Variants in DOCK1 observed in about 807,000 individuals in gnomAD.
The protein encoded by DOCK1 is dedicator of cytokinesis protein 1.
In DOCK1, 138 loss-of-function variants were observed where a neutral mutation model predicts 262.7. That is an observed-to-expected ratio of 0.53 (90% CI 0.46 to 0.61). The LOEUF (loss-of-function observed/expected upper bound fraction) is 0.61. Among genes scored for constraint, DOCK1 ranks in the 20% least tolerant of loss-of-function variants. The probability of loss-of-function intolerance (pLI) is 0.00; values close to 1 mark genes in which losing one functional copy is unlikely to be tolerated. For synonymous variants in DOCK1, 866 were observed against 867.4 expected, an observed-to-expected ratio of 1.00 and a Z score of 0.03; for missense variants, 1,908 against 2,370.7, an observed-to-expected ratio of 0.80 and a Z score of 4.05.
intron 1 of DOCK1, among the ~76,000 whole-genome samples, chr10:126,945,302 T>C (rs1389393327): frequency 6.6e-6 from 1 of 152,010 alleles, no homozygotes; most frequent in East Asian, 1.9e-4. Flanking sequence ...GGATTCACTT[T>C]CTTGGTGGCT....
chr10:127,192,506 T>C (rs1166355841), intron 27 of DOCK1: 1 of 152,224 alleles, frequency 6.6e-6, no homozygotes, highest in African/African-American at 2.4e-5. Flanking sequence ...TCTGATAACA[T>C]CTTTATACAC....
chr10:127,267,372 A>C (rs1014716526), intron 29 of DOCK1, among the ~76,000 whole-genome samples: 3 of 152,244 alleles, frequency 2.0e-5, no homozygotes, highest in African/African-American at 7.2e-5. Context: ...TTAATAACTA[A>C]AACAAATAAT....
chr10:126,965,309 G>T (rs1490680190), intron 1 of DOCK1, among the ~76,000 whole-genome samples: 2 of 152,200 alleles, frequency 1.3e-5, no homozygotes, highest in Non-Finnish European at 2.9e-5. Context: ...GCAGAGGAGC[G>T]TGTGGCAGGC....
chr10:127,112,030 G>A (rs2048897682), intron 25 of DOCK1, among the ~76,000 whole-genome samples: 2 of 141,820 alleles, frequency 1.4e-5, no homozygotes, highest in Admixed American at 1.4e-4. Flanking sequence ...TTTTTTTTTC[G>A]AGACATAGTC....
chr10:127,418,012 C>G (rs1385231318), intron 44 of DOCK1, among the ~76,000 whole-genome samples: 1 of 152,028 alleles, frequency 6.6e-6, no homozygotes, highest in Non-Finnish European at 1.5e-5. Flanking sequence ...TCTTCTCCCT[C>G]AGCACAACAA....
intron 29 of DOCK1, among the ~76,000 whole-genome samples, chr10:127,285,627 A>G (rs2061122589): frequency 6.6e-6 from 1 of 152,224 alleles, no homozygotes; most frequent in Non-Finnish European, 1.5e-5. Flanking sequence ...GCAGGGAGCC[A>G]TGTCCAGAGA....
At chr10:127,352,431 C>T (rs1439677957) in intron 31 of DOCK1, among the ~76,000 whole-genome samples, 2 of 152,020 alleles carry the variant, frequency 1.3e-5, no homozygotes, top group Non-Finnish European at 2.9e-5. Flanking sequence ...ACCCAAACCG[C>T]AAGTGGAAAA....
chr10:126,960,078 C>T (rs988478837), intron 1 of DOCK1, among the ~76,000 whole-genome samples: 4 of 152,118 alleles, frequency 2.6e-5, no homozygotes, highest in Non-Finnish European at 5.9e-5. Context: ...AGGCACGAGC[C>T]ACCGCATTTA....
chr10:127,211,333 A>G (rs1332408645), intron 27 of DOCK1, among the ~76,000 whole-genome samples: 1 of 152,210 alleles, frequency 6.6e-6, no homozygotes, highest in Non-Finnish European at 1.5e-5. Context: ...GCTGTCAGAC[A>G]TCATAAAAGG....
chr10:126,964,562 G>T (rs1282477149), intron 1 of DOCK1, among the ~76,000 whole-genome samples: 1 of 152,256 alleles, frequency 6.6e-6, no homozygotes, highest in African/African-American at 2.4e-5. Flanking sequence ...GAAGGCAAGA[G>T]AAAGGAAATG....
intron 29 of DOCK1, among the ~76,000 whole-genome samples, chr10:127,271,042 T>C (rs1306352205): frequency 2.6e-5 from 4 of 151,062 alleles, no homozygotes; most frequent in Non-Finnish European, 5.9e-5. Flanking sequence ...CACACACATA[T>C]ATAAATGTAT....
chr10:127,094,116 C>G (rs945587197), intron 23 of DOCK1, among the ~76,000 whole-genome samples: 8 of 152,106 alleles, frequency 5.3e-5, no homozygotes, highest in African/African-American at 1.7e-4. Context: ...ATCACTTGTC[C>G]CCAGGAGGTA....
intron 27 of DOCK1, among the ~76,000 whole-genome samples, chr10:127,194,513 C>T (rs1427531772): frequency 2.0e-5 from 3 of 152,196 alleles, no homozygotes; most frequent in African/African-American, 7.2e-5. Context: ...CCAGCACTTT[C>T]CGCCTCTGCA....
At chr10:127,197,217 C>G (rs2057235048) in intron 27 of DOCK1, among the ~76,000 whole-genome samples, 1 of 152,120 alleles carries the variant, frequency 6.6e-6, no homozygotes, top group South Asian at 2.1e-4. Flanking sequence ...GAGCAGGCGC[C>G]ACTGCCACTC....
chr10:126,917,013 C>T lies in DOCK1; in HGVS notation c.46+11450C>T, dbSNP rs560788729. On this transcript the variant is annotated intron_variant, in intron 1 of 51. Transcript: ENST00000623213. ...GCGGTGTTTCAGAATTCCAGTTTGT[C>T]ACAGTGCAGAGAGACAGGTGGGAGC... Among the ~76,000 whole-genome samples, 3 of 130,944 alleles carry T rather than the reference C, an allele frequency of 2.3e-5. No individual in the cohort carries two copies. The South Asian group carries it at 7.9e-4, about 34-fold the overall frequency. 85.9% of individuals were successfully genotyped at this position (130,944 alleles called of 152,430 possible). A position where few individuals can be genotyped will look rare whatever the true frequency, so the allele number is the denominator to read the frequency against.
intron 35 of DOCK1, among the ~76,000 whole-genome samples, chr10:127,377,373 G>T (rs2134068183): frequency 6.6e-6 from 1 of 152,164 alleles, no homozygotes; most frequent in East Asian, 1.9e-4. Flanking sequence ...GAATATAGAT[G>T]TATACATATT....
intron 49 of DOCK1, among the ~76,000 whole-genome samples, chr10:127,441,379 CT>C (rs1591073377): frequency 6.6e-6 from 1 of 152,216 alleles, no homozygotes; most frequent in Admixed American, 6.5e-5. Context: ...AGCACAGAAC[CT>C]TGGCGGTGCT....
intron 1 of DOCK1, among the ~76,000 whole-genome samples, chr10:126,941,608 T>C (rs1215416020): frequency 6.6e-6 from 1 of 152,012 alleles, no homozygotes; most frequent in Admixed American, 6.5e-5. Flanking sequence ...TACAAAAAAT[T>C]AGCCAGGCGT....
chr10:126,924,584 G>A (rs905590809), intron 1 of DOCK1, among the ~76,000 whole-genome samples: 2 of 152,320 alleles, frequency 1.3e-5, no homozygotes, highest in African/African-American at 2.4e-5. Context: ...TGACCAAAAG[G>A]TTAAAAAGCA....
Sources: allele counts gnomAD v4.1 joint callset (sites outside exome capture counted in the v4.1 genomes callset), GRCh38; gene constraint gnomAD v4.1.1; transcripts MANE v1.5; gene names NCBI Gene and HGNC (gene_info 2026-07-23, HGNC 2026-07-21).